The following VPS54 variants were observed in gnomAD, a reference collection of about 807,000 sequenced individuals.
The protein encoded by VPS54 is vacuolar protein sorting-associated protein 54.
A neutral mutation model predicts 121.5 loss-of-function variants in VPS54; 45 were observed. That is an observed-to-expected ratio of 0.37 (90% CI 0.29 to 0.47). VPS54 has a LOEUF of 0.47. Among genes scored for constraint, VPS54 ranks in the 20% least tolerant of loss-of-function variants. The pLI, the probability that VPS54 is intolerant of heterozygous loss-of-function variation, is 0.99. For synonymous variants in VPS54, 371 were observed against 385.8 expected (o/e 0.96, Z 0.45); for missense variants, 1,090 against 1,131.4 (o/e 0.96, Z 0.52).
intron 11 of VPS54, among the ~76,000 whole-genome samples, chr2:63,941,340 T>TAGCTGGGACTA (rs1279335522): frequency 0.027 from 4,129 of 152,254 alleles, 183 homozygotes; most frequent in African/African-American, 0.095. Flanking sequence ...TCATCCCACC[T>TAGCTGGGACTA]CAGCCACCCA....
At chr2:63,989,807 T>C (rs1184803702) in intron 1 of VPS54, among the ~76,000 whole-genome samples, 2 of 152,190 alleles carry the variant, frequency 1.3e-5, no homozygotes, top group African/African-American at 2.4e-5. Context: ...GGTCACTCTA[T>C]TCAGGGCAGT....
Position 63,912,568 on chromosome 2 carries a change from A to G in VPS54, c.2516T>C (p.Met839Thr). The change falls in exon 19 of 23, where the codon ATG becomes ACG. Residue 839 changes from methionine (M) to threonine (T), a missense_variant. Around this residue, in one of 2 missense-constraint regions of VPS54, gnomAD observed 289 missense variants for 374.4 expected, o/e 0.77. Coordinates refer to ENST00000272322, the MANE Select transcript of VPS54 (RefSeq NM_016516.3). ...AGTGATATGATCAAAATGCCTAAGC[A>G]TGCTATATTGCTTAGGTGGTAGTCG... ...EARLPPKQYS[M>T]LRHFDHITKD... is the part of the protein sequence containing the mutation. The G allele has an allele frequency of 7.5e-6, 12 of 1,610,536 alleles. No individual in the cohort carries two copies. The highest frequency in any genetic ancestry group is 1.1e-5 in the South Asian group (1 of 90,268).
At position 63,989,526 on chromosome 2, in the gene VPS54, C is replaced by T. The variant is rs117319755; in HGVS notation, c.-20-5507G>A. Among the ~76,000 whole-genome samples, 40 of 152,234 alleles carry T rather than the reference C, an allele frequency of 2.6e-4. No homozygotes were observed. In the East Asian group the frequency reaches 6.4e-3, roughly 24 times the overall value. On this transcript the variant is annotated intron_variant, in intron 1 of 22. Coordinates refer to ENST00000272322, the MANE Select transcript of VPS54 (RefSeq NM_016516.3). ...TAGAAAAGAACCCACGTTGAAATAT[C>T]GGGAACTGGTTCCCCCGATATCTGG...
At chr2:63,985,157 A>T (rs1676984381) in intron 1 of VPS54, among the ~76,000 whole-genome samples, 1 of 152,062 alleles carries the variant, frequency 6.6e-6, no homozygotes, top group African/African-American at 2.4e-5. Context: ...TCGTATCTAT[A>T]AAAATTACAA....
intron 6 of VPS54, 135 bp from the exon 7 acceptor site, chr2:63,962,578 C>T (rs1675819293): frequency 7.8e-6 from 9 of 1,148,006 alleles, no homozygotes; most frequent in Non-Finnish European, 1.1e-5. Context: ...ATTGTGAGAT[C>T]CTTGAAATTG....
At chr2:63,907,545 G>T (rs1304196120) in intron 20 of VPS54, among the ~76,000 whole-genome samples, 6 of 148,640 alleles carry the variant, frequency 4.0e-5, no homozygotes, top group South Asian at 2.1e-4. Flanking sequence ...GAAAAGAAAA[G>T]ATTTCTCAGG....
intron 3 of VPS54, chr2:63,975,323 A>C: frequency 3.6e-6 from 1 of 280,944 alleles, no homozygotes; most frequent in Non-Finnish European, 6.7e-6. Context: ...CTTATAGTTT[A>C]AAACAAAGAT....
chr2:63,929,059 C>T (rs1674057771), intron 12 of VPS54, among the ~76,000 whole-genome samples: 1 of 152,090 alleles, frequency 6.6e-6, no homozygotes, highest in African/African-American at 2.4e-5. Context: ...CACTCCCACA[C>T]AATAATAATG....
intron 7 of VPS54, among the ~76,000 whole-genome samples, chr2:63,957,328 G>C (rs1439989222): frequency 6.6e-6 from 1 of 151,500 alleles, no homozygotes; most frequent in Non-Finnish European, 1.5e-5. Context: ...TGTAGTCCCA[G>C]CTACTCAGGA....
In VPS54 at chr2:64,005,851, AAG is replaced by A. The variant is rs1311634364; in HGVS notation, c.-21+13085_-21+13086del. Among the ~76,000 whole-genome samples, 9 of 152,320 alleles carry A rather than the reference AAG, an allele frequency of 5.9e-5. No individual in the cohort carries two copies. In the East Asian group the frequency reaches 1.7e-3, roughly 29 times the overall value. Reference sequence around the variant, plus strand: ...ATTCCCTGAATTCTACAGACCCTACAAGAGTCTGTGAACTCAAGGTTCAGCAC... The same window carrying A: ...ATTCCCTGAATTCTACAGACCCTACAAGTCTGTGAACTCAAGGTTCAGCAC... On this transcript the variant is annotated intron_variant, in intron 1 of 22. Coordinates refer to ENST00000272322, the MANE Select transcript of VPS54 (RefSeq NM_016516.3).
chr2:63,942,582 C>A, intron 10 of VPS54, 21 bp from the exon 11 acceptor site: 1 of 1,543,462 alleles, frequency 6.5e-7, no homozygotes, highest in Admixed American at 1.9e-5. Flanking sequence ...ATAATTCAAA[C>A]AAAAATAATG....
At chr2:63,981,188 G>A (rs1032506281) in intron 3 of VPS54, among the ~76,000 whole-genome samples, 3 of 152,090 alleles carry the variant, frequency 2.0e-5, no homozygotes, top group Admixed American at 1.3e-4. Context: ...ACTATACTCA[G>A]TTCTTGCTCT....
chr2:63,896,541 T>C (rs896888696), intron 22 of VPS54, among the ~76,000 whole-genome samples: 2 of 152,226 alleles, frequency 1.3e-5, no homozygotes, highest in African/African-American at 4.8e-5. Context: ...CATTCTTGCA[T>C]AAAACTCTTA....
At chr2:63,959,393 T>C (rs967092086) in intron 7 of VPS54, among the ~76,000 whole-genome samples, 1 of 152,202 alleles carries the variant, frequency 6.6e-6, no homozygotes, top group African/African-American at 2.4e-5. Context: ...TATATGTTTA[T>C]TGGAAGTCAG....
At chr2:64,003,533 T>C (rs1488700899) in intron 1 of VPS54, among the ~76,000 whole-genome samples, 1 of 152,198 alleles carries the variant, frequency 6.6e-6, no homozygotes, top group African/African-American at 2.4e-5. Context: ...TTTCTGTGTA[T>C]TCTATTTGCT....
intron 22 of VPS54, among the ~76,000 whole-genome samples, chr2:63,895,981 C>G (rs1351217116): frequency 6.6e-6 from 1 of 152,182 alleles, no homozygotes; most frequent in Non-Finnish European, 1.5e-5. Flanking sequence ...CAGGGTTAGG[C>G]CTTAAAAATA....
chr2:63,942,011 G>C (rs375807894), intron 11 of VPS54, among the ~76,000 whole-genome samples: 57 of 135,426 alleles, frequency 4.2e-4, no homozygotes, highest in African/African-American at 1.5e-3. Context: ...TCCAGCCTGG[G>C]TAACAGCAAG....
intron 1 of VPS54, among the ~76,000 whole-genome samples, chr2:63,989,489 A>G (rs977481371): frequency 6.6e-6 from 1 of 152,194 alleles, no homozygotes; most frequent in Non-Finnish European, 1.5e-5. Flanking sequence ...ACTGGCTGAC[A>G]CTTAGGGAAA....
chr2:63,973,453 CT>C (rs1676378863), intron 3 of VPS54, among the ~76,000 whole-genome samples: 1 of 152,058 alleles, frequency 6.6e-6, no homozygotes, highest in Non-Finnish European at 1.5e-5. Context: ...ACTTCTATAT[CT>C]TTTTTTGGGA....
Sources: allele counts gnomAD v4.1 joint callset (sites outside exome capture counted in the v4.1 genomes callset), GRCh38; gene constraint gnomAD v4.1.1; regional missense constraint gnomAD v4.1.1; transcripts MANE v1.5; gene names NCBI Gene and HGNC (gene_info 2026-07-23, HGNC 2026-07-21).